The following PLS1 variants were observed in gnomAD, a reference collection of about 807,000 sequenced individuals.
PLS1 encodes the protein plastin-1.
PLS1 carries 32 observed loss-of-function variants against 73.7 expected under a neutral mutation model. The observed-to-expected ratio is 0.43, with a 90% CI of 0.33 to 0.58. The LOEUF is 0.58. Among genes scored for constraint, PLS1 ranks in the 20% least tolerant of loss-of-function variants. PLS1 has a pLI of 0.04. For synonymous variants in PLS1, 217 were observed against 261.3 expected, an observed-to-expected ratio of 0.83 and a Z score of 1.63; for missense variants, 633 against 740.5, an observed-to-expected ratio of 0.85 and a Z score of 1.68.
At chr3:142,620,790 G>A (rs544745084) in intron 1 of PLS1, among the ~76,000 whole-genome samples, 6 of 152,184 alleles carry the variant, frequency 3.9e-5, no homozygotes, top group South Asian at 4.2e-4. Context: ...AGGCCAAGGC[G>A]GGCAGATCAC....
chr3:142,617,490 TTGG>T (rs775893482), intron 1 of PLS1, among the ~76,000 whole-genome samples: 4 of 152,100 alleles, frequency 2.6e-5, no homozygotes, highest in Non-Finnish European at 5.9e-5. Context: ...TCTCAGGTAG[TTGG>T]TGGGAGAAAT....
At chr3:142,643,601 T>G (rs1427508353) in intron 1 of PLS1, among the ~76,000 whole-genome samples, 1 of 152,136 alleles carries the variant, frequency 6.6e-6, no homozygotes, top group African/African-American at 2.4e-5. Flanking sequence ...TCCTCTTATA[T>G]AAGTTCTGGG....
At chr3:142,663,357 A>ACAC (rs2037412292) in intron 1 of PLS1, among the ~76,000 whole-genome samples, 1 of 152,206 alleles carries the variant, frequency 6.6e-6, no homozygotes, top group Non-Finnish European at 1.5e-5. Flanking sequence ...CAGTGAACAC[A>ACAC]CACCACCTTG....
intron 10 of PLS1, 70 bp from the exon 11 acceptor site, chr3:142,694,399 G>T: frequency 2.2e-6 from 2 of 925,964 alleles, no homozygotes; most frequent in South Asian, 3.0e-5. Context: ...GTACCTGCTA[G>T]AATGGTTTAA....
At chr3:142,648,395 C>T (rs1001560520) in intron 1 of PLS1, among the ~76,000 whole-genome samples, 15 of 151,996 alleles carry the variant, frequency 9.9e-5, no homozygotes, top group Admixed American at 3.3e-4. Context: ...AAAATTGTTG[C>T]GGCTGTGATC....
At chr3:142,694,418 TC>T (rs771740665) in intron 10 of PLS1, 50 bp from the exon 11 acceptor site, 1 of 1,154,270 alleles carries the variant, frequency 8.7e-7, no homozygotes, top group Non-Finnish European at 1.3e-6. Flanking sequence ...AACATATAGT[TC>T]CTGGTTCCTT....
chr3:142,680,215 C>T (rs1296395391), intron 6 of PLS1, among the ~76,000 whole-genome samples: 1 of 152,154 alleles, frequency 6.6e-6, no homozygotes, highest in African/African-American at 2.4e-5. Flanking sequence ...AAGCATGTAC[C>T]ACTATGCCCT....
At chr3:142,638,930 G>A (rs546495016) in intron 1 of PLS1, among the ~76,000 whole-genome samples, 3 of 152,008 alleles carry the variant, frequency 2.0e-5, no homozygotes, top group African/African-American at 4.8e-5. Context: ...TAGTAGAGAC[G>A]GAGTTTCTCC....
At chr3:142,687,615 A>G (rs73868115) in intron 9 of PLS1, among the ~76,000 whole-genome samples, 1,782 of 152,264 alleles carry the variant, frequency 0.012, 33 homozygotes, top group African/African-American at 0.041. Context: ...ATACTAAACT[A>G]TCAGGTACTC....
chr3:142,701,249 T>A (rs758023109), intron 12 of PLS1, among the ~76,000 whole-genome samples: 3 of 152,186 alleles, frequency 2.0e-5, no homozygotes, highest in Non-Finnish European at 4.4e-5. Flanking sequence ...ACTTTTATAT[T>A]TACACCCTCA....
intron 9 of PLS1, among the ~76,000 whole-genome samples, chr3:142,686,646 G>A (rs2037972764): frequency 6.6e-6 from 1 of 152,112 alleles, no homozygotes; most frequent in Non-Finnish European, 1.5e-5. Context: ...TCAGTAGCAG[G>A]TACAGTCAAA....
chr3:142,653,883 A>T (rs1353703432), intron 1 of PLS1, among the ~76,000 whole-genome samples: 2 of 152,244 alleles, frequency 1.3e-5, no homozygotes, highest in African/African-American at 2.4e-5. Flanking sequence ...TTAACAGTTG[A>T]ACCTGATAAG....
At chr3:142,600,078 C>A (rs1239383378) in intron 1 of PLS1, among the ~76,000 whole-genome samples, 1 of 152,158 alleles carries the variant, frequency 6.6e-6, no homozygotes, top group Admixed American at 6.6e-5. Context: ...GGTAGCAAGA[C>A]ACTCCAGTTC....
In PLS1 at chr3:142,681,488, A is replaced by C. The variant is rs79170208; in HGVS notation, c.580-2518A>C. On this transcript the variant is annotated intron_variant, in intron 6 of 15. Coordinates refer to ENST00000457734, the MANE Select transcript of PLS1 (RefSeq NM_001145319.2). ...AGGGGACAAGAAAGCCATGTAGTCA[A>C]CATCCAATTCTTTACTTCTCAAAGA... Among the ~76,000 whole-genome samples the C allele has an allele frequency of 1.6e-4, 25 of 152,314 alleles. No homozygotes were observed. In the East Asian group the frequency reaches 4.1e-3, roughly 25 times the overall value.
chr3:142,647,369 A>G (rs1365398266), intron 1 of PLS1, among the ~76,000 whole-genome samples: 2 of 152,240 alleles, frequency 1.3e-5, no homozygotes, highest in African/African-American at 2.4e-5. Context: ...GCTATAATAC[A>G]ATATAAATAG....
chr3:142,676,081 C>T, intron 4 of PLS1, 76 bp from the exon 5 acceptor site: 1 of 1,102,998 alleles, frequency 9.1e-7, no homozygotes, highest in Non-Finnish European at 1.3e-6. Context: ...TTTTGTAGTG[C>T]AATAGCTATG....
intron 10 of PLS1, among the ~76,000 whole-genome samples, chr3:142,692,457 T>C (rs892953395): frequency 2.0e-5 from 3 of 152,156 alleles, no homozygotes; most frequent in Admixed American, 1.3e-4. Flanking sequence ...ATCTTTGTAA[T>C]GCTTTACCAT....
At chr3:142,667,432 G>GAT (rs2037503193) in intron 2 of PLS1, among the ~76,000 whole-genome samples, 1 of 151,952 alleles carries the variant, frequency 6.6e-6, no homozygotes, top group African/African-American at 2.4e-5. Flanking sequence ...AATTTCATGA[G>GAT]ATAAGTCAAG....
chr3:142,672,048 G>C (rs2037613880), intron 4 of PLS1, among the ~76,000 whole-genome samples: 1 of 152,094 alleles, frequency 6.6e-6, no homozygotes, highest in African/African-American at 2.4e-5. Context: ...TTCTACTGAA[G>C]TGGCTTCTTT....
Sources: allele counts gnomAD v4.1 joint callset (sites outside exome capture counted in the v4.1 genomes callset), GRCh38; gene constraint gnomAD v4.1.1; transcripts MANE v1.5; gene names NCBI Gene and HGNC (gene_info 2026-07-23, HGNC 2026-07-21).